RABL3: variants seen among roughly 807,000 people sequenced by gnomAD.
RABL3 encodes RAB, member of RAS oncogene family like 3, also known as rab-like protein 3.
A neutral mutation model predicts 31.8 loss-of-function variants in RABL3; 31 were observed. The observed-to-expected ratio is 0.97, with a 90% CI of 0.73 to 1.31. The LOEUF is 1.31. Ranked by LOEUF, RABL3 falls within the 40% of genes most tolerant of loss-of-function variation. RABL3 has a pLI of 0.00. For missense variants in RABL3, 263 were observed against 279.6 expected (o/e 0.94, Z 0.42); for synonymous variants, 97 against 99.9 (o/e 0.97, Z 0.18).
chr3:120,709,884 G>A lies in RABL3; in HGVS notation c.164C>T (p.Pro55Leu), dbSNP rs1708593585. The A allele has an allele frequency of 6.2e-7, 1 of 1,604,632 alleles. No homozygotes were observed. Among genetic ancestry groups the A allele is most frequent in the Non-Finnish European group, 8.5e-7 (1 of 1,175,036 alleles). The change falls in exon 3 of 8, where the codon CCA becomes CTA. Residue 55 changes from proline to leucine, a missense_variant. Pro to Leu is a moderately conservative substitution (Grantham distance 98, BLOSUM62 -3). Transcript: ENST00000273375. ...VRVHDYKEGT[P>L]EEKTYYIELW... is the part of the protein sequence containing the mutation. ...TTCTATGTAGTAGGTCTTCTCTTCT[G>A]GGGTTCCTTCTTTGTAATCATGAAC...
chr3:120,725,960 G>C (rs1372996901), intron 2 of RABL3, among the ~76,000 whole-genome samples: 8 of 151,926 alleles, frequency 5.3e-5, no homozygotes, highest in Non-Finnish European at 8.8e-5. Flanking sequence ...AAAAATTAAA[G>C]AAAAAAACTA....
chr3:120,691,703 G>A (rs1262250829), intron 6 of RABL3, among the ~76,000 whole-genome samples: 1 of 152,168 alleles, frequency 6.6e-6, no homozygotes, highest in Non-Finnish European at 1.5e-5. Flanking sequence ...TCTTTACATA[G>A]ACCTGCTGTG....
At chr3:120,707,523 C>G (rs930139724) in intron 3 of RABL3, among the ~76,000 whole-genome samples, 2 of 152,076 alleles carry the variant, frequency 1.3e-5, no homozygotes, top group Non-Finnish European at 1.5e-5. Flanking sequence ...AACTAAAGTT[C>G]AGAGAAGTAG....
chr3:120,699,119 G>T (rs1224285034), intron 4 of RABL3, among the ~76,000 whole-genome samples: 1 of 152,076 alleles, frequency 6.6e-6, no homozygotes, highest in African/African-American at 2.4e-5. Flanking sequence ...AGAAGAATAA[G>T]AAAATAGAAA....
At chr3:120,705,023 TCAAAA>T (rs369118640) in intron 4 of RABL3, among the ~76,000 whole-genome samples, 2 of 152,056 alleles carry the variant, frequency 1.3e-5, no homozygotes, top group Admixed American at 6.6e-5. Flanking sequence ...AGGCTCAGTC[TCAAAA>T]CAAAACAAAA....
At chr3:120,724,669 T>C (rs894742610) in intron 2 of RABL3, among the ~76,000 whole-genome samples, 6 of 152,196 alleles carry the variant, frequency 3.9e-5, no homozygotes, top group Non-Finnish European at 8.8e-5. Flanking sequence ...ATCTGATCTT[T>C]GACAAATCTG....
intron 2 of RABL3, among the ~76,000 whole-genome samples, chr3:120,711,674 A>G (rs1708614279): frequency 6.6e-6 from 1 of 152,174 alleles, no homozygotes; most frequent in Non-Finnish European, 1.5e-5. Context: ...TCAGAAACAA[A>G]TTATGATATA....
intron 6 of RABL3, among the ~76,000 whole-genome samples, chr3:120,690,776 T>TA (rs931812791): frequency 1.3e-5 from 2 of 152,298 alleles, no homozygotes; most frequent in East Asian, 1.9e-4. Context: ...ATGCAATTCT[T>TA]AGAGTATGAC....
At chr3:120,715,986 G>A (rs908601323) in intron 2 of RABL3, among the ~76,000 whole-genome samples, 2 of 152,180 alleles carry the variant, frequency 1.3e-5, no homozygotes, top group African/African-American at 4.8e-5. Context: ...TGGATGCCTA[G>A]CCAAAGTAAG....
At position 120,716,673 on chromosome 3, in the gene RABL3, A is replaced by G. The variant is rs1559817721; in HGVS notation, c.139-6764T>C. 2.6e-5 allele frequency among the ~76,000 whole-genome samples: 4 copies of G among 151,676 alleles called. No homozygotes were observed. The East Asian group carries it at 7.8e-4, about 30-fold the overall frequency. On this transcript the variant is annotated intron_variant, in intron 2 of 7. Transcript: ENST00000273375. ...GAGGCAACTGTTTCTAAGAGTTTTGAAAAGTGTGTATTCATCAATCTACAC... is the reference window on the plus strand; with the variant it reads ...GAGGCAACTGTTTCTAAGAGTTTTGGAAAGTGTGTATTCATCAATCTACAC...
intron 1 of RABL3, among the ~76,000 whole-genome samples, chr3:120,733,910 ATC>A (rs1181046847): frequency 1.3e-5 from 2 of 152,078 alleles, no homozygotes; most frequent in African/African-American, 2.4e-5. Flanking sequence ...ATTGGTCTAT[ATC>A]TCTGTTTTGG....
chr3:120,734,269 G>A (rs1435035734), intron 1 of RABL3, among the ~76,000 whole-genome samples: 2 of 152,172 alleles, frequency 1.3e-5, no homozygotes, highest in Non-Finnish European at 2.9e-5. Flanking sequence ...CACATCCCTT[G>A]TAAGTTGGAT....
intron 2 of RABL3, among the ~76,000 whole-genome samples, chr3:120,712,005 A>G (rs576636295): frequency 1.3e-5 from 2 of 152,290 alleles, no homozygotes; most frequent in South Asian, 2.1e-4. Flanking sequence ...TGATTTCTAA[A>G]GTATCTACTG....
At chr3:120,709,697 G>C in intron 3 of RABL3, 83 bp downstream of exon 3, 1 of 1,015,026 alleles carries the variant, frequency 9.9e-7, no homozygotes, top group Non-Finnish European at 1.5e-6. Context: ...ATTAAGATGA[G>C]TCTGGCATGC....
intron 2 of RABL3, among the ~76,000 whole-genome samples, chr3:120,726,223 G>C (rs1211992014): frequency 1.3e-5 from 2 of 152,126 alleles, no homozygotes; most frequent in Non-Finnish European, 1.5e-5. Flanking sequence ...AAGGTAAGGT[G>C]CATTTTATAA....
chr3:120,716,872 T>C (rs374675962), intron 2 of RABL3, among the ~76,000 whole-genome samples: 9 of 152,338 alleles, frequency 5.9e-5, no homozygotes, highest in African/African-American at 2.2e-4. Context: ...ACAGTCAAAG[T>C]GATTTACATG....
At chr3:120,716,927 T>A (rs114310902) in intron 2 of RABL3, among the ~76,000 whole-genome samples, 1 of 152,338 alleles carries the variant, frequency 6.6e-6, no homozygotes, top group African/African-American at 2.4e-5. Flanking sequence ...CTTTTACTTA[T>A]GTTATCACTC....
intron 2 of RABL3, among the ~76,000 whole-genome samples, chr3:120,724,072 CCTT>C (rs1186237634): frequency 1.3e-5 from 2 of 152,190 alleles, no homozygotes; most frequent in Non-Finnish European, 2.9e-5. Context: ...CCCAAAATCT[CCTT>C]AAGCTGATAA....
chr3:120,707,098 C>T (rs916676363), intron 3 of RABL3, among the ~76,000 whole-genome samples: 26 of 152,118 alleles, frequency 1.7e-4, no homozygotes, highest in African/African-American at 6.0e-4. Context: ...CCAATGATTC[C>T]TCCATCTTCA....
Sources: gnomAD v4.1 joint callset for allele counts (sites outside exome capture counted in the v4.1 genomes callset) on GRCh38, gnomAD v4.1.1 for gene constraint, MANE v1.5 for transcripts, NCBI Gene and HGNC (gene_info 2026-07-23, HGNC 2026-07-21) for gene names.